STRBP: variants seen among roughly 807,000 people sequenced by gnomAD.
STRBP encodes the protein spermatid perinuclear RNA-binding protein.
Under a neutral mutation model 80.1 loss-of-function variants are expected in STRBP, and 13 were observed. The observed-to-expected ratio is 0.16, with a 90% CI of 0.11 to 0.26. The LOEUF (loss-of-function observed/expected upper bound fraction) is 0.26, where lower values mean the gene tolerates loss of function less well. STRBP is among the 10% of genes least tolerant of loss of function. The pLI, the probability that STRBP is intolerant of heterozygous loss-of-function variation, is 1.00. For synonymous variants in STRBP, 284 were observed against 291.2 expected, an observed-to-expected ratio of 0.98 and a Z score of 0.25; for missense variants, 485 against 815.2, an observed-to-expected ratio of 0.59 and a Z score of 4.93.
At chr9:123,257,810 C>G (rs1023961078) in intron 1 of STRBP, among the ~76,000 whole-genome samples, 2 of 151,640 alleles carry the variant, frequency 1.3e-5, no homozygotes, top group African/African-American at 4.8e-5. Flanking sequence ...GAACAAGACC[C>G]TGTCTCAAAA....
chr9:123,161,743 G>C (rs2037531169), intron 6 of STRBP, among the ~76,000 whole-genome samples: 1 of 152,082 alleles, frequency 6.6e-6, no homozygotes, highest in Non-Finnish European at 1.5e-5. Flanking sequence ...AAAATAAAAA[G>C]CAACAAAGAA....
At chr9:123,169,362 G>T (rs2037911718) in intron 6 of STRBP, among the ~76,000 whole-genome samples, 1 of 151,842 alleles carries the variant, frequency 6.6e-6, no homozygotes, top group Admixed American at 6.6e-5. Flanking sequence ...GTAGAGACGG[G>T]GTTTTGCCAA....
At position 123,221,019 on chromosome 9, in the gene STRBP, A is replaced by AT. The variant is rs1014360867; in HGVS notation, c.-165+15810dup. Reference sequence around the variant, plus strand: ...AGACGTTTGTTTTTTGTTTATAGAGATTTTTTTTAAGGTAGTGGAAAGAAT... The same window carrying AT: ...AGACGTTTGTTTTTTGTTTATAGAGATTTTTTTTTAAGGTAGTGGAAAGAAT... On this transcript the variant is annotated intron_variant, in intron 2 of 18. Coordinates refer to ENST00000348403, the MANE Select transcript of STRBP (RefSeq NM_018387.5). Among the ~76,000 whole-genome samples the AT allele has an allele frequency of 1.5e-4, 23 of 152,072 alleles. No individual in the cohort carries two copies. The East Asian group carries it at 2.1e-3, about 14-fold the overall frequency.
At chr9:123,145,727 T>C (rs1019625340) in intron 13 of STRBP, among the ~76,000 whole-genome samples, 4 of 152,210 alleles carry the variant, frequency 2.6e-5, no homozygotes, top group African/African-American at 9.6e-5. Flanking sequence ...TACTAAACTA[T>C]ATGTTTAGTC....
chr9:123,228,899 C>G (rs187075685), intron 2 of STRBP, among the ~76,000 whole-genome samples: 2 of 152,104 alleles, frequency 1.3e-5, no homozygotes, highest in African/African-American at 2.4e-5. Flanking sequence ...ATGTTCACGG[C>G]GGCATTTTTT....
chr9:123,147,193 A>G (rs2036847152), intron 12 of STRBP, 139 bp from the exon 13 acceptor site: 3 of 561,080 alleles, frequency 5.3e-6, no homozygotes, highest in African/African-American at 1.9e-5. Flanking sequence ...GATTAACCTC[A>G]TAAGTAATTC....
chr9:123,175,800 C>T (rs1411639781), intron 4 of STRBP, among the ~76,000 whole-genome samples: 1 of 152,182 alleles, frequency 6.6e-6, no homozygotes, highest in African/African-American at 2.4e-5. Context: ...ACTGGCCTTT[C>T]TGACCTCTGT....
exon 3 of STRBP, chr9:123,116,013 T>G: frequency 2.2e-6 from 1 of 456,312 alleles, no homozygotes; most frequent in Non-Finnish European, 4.4e-6. Flanking sequence ...CAAGGTGCTT[T>G]CAGCTTTCCT....
At chr9:123,221,093 A>T (rs937528032) in intron 2 of STRBP, among the ~76,000 whole-genome samples, 4 of 152,148 alleles carry the variant, frequency 2.6e-5, no homozygotes, top group Admixed American at 2.0e-4. Flanking sequence ...GAAAAGGAGG[A>T]GCTAAGCTGG....
rs960056148 is a variant in STRBP at position 123,168,005 on chromosome 9, CA to C, written c.535+1896del. ...ATGACTGATGTTCCCTTAATACTTT[CA>C]AAAAAAAAAAATGAAAGGGATGCTG... is the stretch of plus-strand genomic sequence containing the variant. On this transcript the variant is annotated intron_variant, in intron 6 of 18. Transcript: ENST00000348403. 9.8e-3 allele frequency among the ~76,000 whole-genome samples: 1,368 copies of C among 139,578 alleles called. 17 individuals are homozygous for C. Among genetic ancestry groups the C allele is most frequent in the African/African-American group, 0.032 (1,227 of 38,660 alleles). The allele number at this position is 139,578 out of a possible 152,430, so 91.6% of individuals were successfully genotyped here. A position where few individuals can be genotyped will look rare whatever the true frequency, so the allele number is the denominator to read the frequency against.
At chr9:123,267,016 A>C (rs1588171483) in intron 1 of STRBP, among the ~76,000 whole-genome samples, 5 of 130,984 alleles carry the variant, frequency 3.8e-5, no homozygotes, top group Admixed American at 7.8e-5. Flanking sequence ...CCTCCCCTCC[A>C]CCTTCCTCCT....
chr9:123,153,884 T>C (rs2037166967), intron 11 of STRBP, among the ~76,000 whole-genome samples: 1 of 152,096 alleles, frequency 6.6e-6, no homozygotes, highest in Non-Finnish European at 1.5e-5. Flanking sequence ...GACTGAACCC[T>C]AGGACACTTT....
In STRBP at chr9:123,136,192, G is replaced by A. The variant is rs12343009; in HGVS notation, c.1633-11C>T. 1.3e-5 allele frequency: 21 copies of A among 1,613,944 alleles called. No individual in the cohort carries two copies. Among genetic ancestry groups the A allele is most frequent in the Non-Finnish European group, 1.8e-5 (21 of 1,179,966 alleles). On this transcript the variant is annotated splice_polypyrimidine_tract_variant and intron_variant, in intron 15 of 18. Transcript: ENST00000348403. This position sits in a 1 kb window ranked among gnomAD's most constrained non-coding sequence, Gnocchi z 4.2. ...TCCATCTACTTCTACCTACAATCAA[G>A]AATAACACCTTGCAATTATCCCATG...
At chr9:123,182,040 C>T (rs2038488820) in intron 3 of STRBP, among the ~76,000 whole-genome samples, 1 of 150,364 alleles carries the variant, frequency 6.7e-6, no homozygotes, top group South Asian at 2.1e-4. Flanking sequence ...CATGGTGAAA[C>T]CCTATCTCTA....
chr9:123,150,512 G>T (rs1436273923), intron 11 of STRBP, among the ~76,000 whole-genome samples: 1 of 152,018 alleles, frequency 6.6e-6, no homozygotes, highest in Non-Finnish European at 1.5e-5. Context: ...GGTTAAAGTG[G>T]GCTATGACTG....
chr9:123,128,388 C>T lies in STRBP; in HGVS notation c.1898-130G>A, dbSNP rs138251145. ...CTTCCAGATGTTGGATGAATGAGAA[C>T]CACTGCCAGAATGGTCCCAGTCTAG... On this transcript the variant is annotated intron_variant, in intron 17 of 18. Coordinates refer to ENST00000348403, the MANE Select transcript of STRBP (RefSeq NM_018387.5). 602 of 997,514 alleles carry T rather than the reference C, an allele frequency of 6.0e-4. 1 individual carries two copies. The African/African-American group carries it at 7.9e-3, about 13-fold the overall frequency. The allele number at this position is 997,514 out of a possible 1,614,324, so 61.8% of individuals were successfully genotyped here. A position where few individuals can be genotyped will look rare whatever the true frequency, so the allele number is the denominator to read the frequency against.
At chr9:123,231,036 C>A (rs1210776653) in intron 2 of STRBP, among the ~76,000 whole-genome samples, 1 of 152,192 alleles carries the variant, frequency 6.6e-6, no homozygotes, top group African/African-American at 2.4e-5. Flanking sequence ...CCCAGTGGTT[C>A]TTCAACTCTG....
chr9:123,163,060 T>C (rs2037595043), intron 6 of STRBP, among the ~76,000 whole-genome samples: 1 of 152,202 alleles, frequency 6.6e-6, no homozygotes, highest in African/African-American at 2.4e-5. Flanking sequence ...ATGGAACTTG[T>C]TTTTTAAGAT....
rs1308550124 is a variant in STRBP at position 123,146,991 on chromosome 9, C to G, written c.1202G>C (p.Gly401Ala). 1 of 1,613,764 alleles carries G rather than the reference C, an allele frequency of 6.2e-7. No individual in the cohort carries two copies. The highest frequency in any genetic ancestry group is 1.1e-5 in the South Asian group (1 of 91,060). The change falls in exon 13 of 19, where the codon GGG (glycine) becomes GCG (alanine). Residue 401 changes from glycine to alanine, a missense_variant. By Grantham distance (60) the Gly-to-Ala change is moderately conservative. This residue lies in a region of STRBP where 377 missense variants were observed against 616.1 expected (regional missense o/e 0.61). Transcript: ENST00000348403. ...ALMRLNQIRP[G>A]LQYKLLSQSG... ...CTGAGATAGGAGCTTATACTGAAGC[C>G]CAGGCCTGATCTGATTTAGCCTCAT...
Sources: gnomAD v4.1 joint callset for allele counts (sites outside exome capture counted in the v4.1 genomes callset) on GRCh38, gnomAD v4.1.1 for gene constraint, gnomAD v4.1.1 regional missense constraint, Gnocchi (gnomAD v3.1) non-coding constraint, MANE v1.5 for transcripts, NCBI Gene and HGNC (gene_info 2026-07-23, HGNC 2026-07-21) for gene names.